DOCK7: variants seen among roughly 807,000 people sequenced by gnomAD.
The protein encoded by DOCK7 is dedicator of cytokinesis 7.
A neutral mutation model predicts 271.0 loss-of-function variants in DOCK7; 138 were observed. The ratio of observed to expected loss-of-function variants is 0.51; its 90% CI spans 0.44 to 0.59. The LOEUF (loss-of-function observed/expected upper bound fraction) is 0.59. Among genes scored for constraint, DOCK7 ranks in the 20% least tolerant of loss-of-function variants. The pLI is 0.00. For synonymous variants in DOCK7, 823 were observed against 876.1 expected (o/e 0.94, Z 1.07); for missense variants, 2,066 against 2,592.4 (o/e 0.80, Z 4.41).
At chr1:62,656,876 G>A (rs1024611035) in intron 2 of DOCK7, among the ~76,000 whole-genome samples, 4 of 152,116 alleles carry the variant, frequency 2.6e-5, no homozygotes, top group Non-Finnish European at 5.9e-5. Context: ...AAAACATTTA[G>A]ACTATAACTG....
chr1:62,542,855 G>T, intron 24 of DOCK7, 152 bp from the exon 25 acceptor site: 1 of 580,530 alleles, frequency 1.7e-6, no homozygotes, highest in Non-Finnish European at 3.0e-6. Context: ...ACCCATTAAC[G>T]AAACGGCTAT....
chr1:62,531,306 T>G (rs1645168376), intron 29 of DOCK7, among the ~76,000 whole-genome samples: 1 of 152,222 alleles, frequency 6.6e-6, no homozygotes, highest in Non-Finnish European at 1.5e-5. Flanking sequence ...TCATAAAGCC[T>G]TTTCATATGC....
intron 7 of DOCK7, among the ~76,000 whole-genome samples, chr1:62,643,047 TC>T (rs1270679661): frequency 6.6e-6 from 1 of 152,178 alleles, no homozygotes. Flanking sequence ...CTCTCCTTTT[TC>T]TGAAAACCCT....
At chr1:62,526,496 A>G (rs1029069015) in intron 31 of DOCK7, among the ~76,000 whole-genome samples, 1 of 145,580 alleles carries the variant, frequency 6.9e-6, no homozygotes, top group Non-Finnish European at 1.5e-5. Context: ...GCCACATTAG[A>G]AAAAAAAAAA....
At chr1:62,546,021 A>G (rs970515173) in intron 22 of DOCK7, among the ~76,000 whole-genome samples, 1 of 152,190 alleles carries the variant, frequency 6.6e-6, no homozygotes, top group African/African-American at 2.4e-5. Context: ...GGGTAAGAAT[A>G]GCAAAGACAA....
At position 62,648,105 on chromosome 1, in the gene DOCK7, C is replaced by A; in HGVS notation, c.732+1G>T. On this transcript the variant is annotated splice_donor_variant, in intron 6 of 49. Transcript: ENST00000635253. LOFTEE classifies it high-confidence loss of function. Reference sequence around the variant, plus strand: ...GCTTCTTTATATGCAAACATCTATACCTCATCTGGTGATGGATGCAAAGCA... The same window carrying A: ...GCTTCTTTATATGCAAACATCTATAACTCATCTGGTGATGGATGCAAAGCA... The A allele has an allele frequency of 1.2e-6, 2 of 1,611,766 alleles. No homozygotes were observed. The highest frequency in any genetic ancestry group is 1.7e-6 in the Non-Finnish European group (2 of 1,178,408).
chr1:62,550,815 G>A (rs1340314347), intron 22 of DOCK7, among the ~76,000 whole-genome samples: 3 of 151,768 alleles, frequency 2.0e-5, no homozygotes, highest in Non-Finnish European at 4.4e-5. Flanking sequence ...CCGCCTCCCA[G>A]GTTCAAGCGA....
Position 62,517,771 on chromosome 1 carries a change from G to A in DOCK7, c.3937-3873C>T, listed in dbSNP as rs573016713. ...TTCATTGCTAGAAGGAATATATATT[G>A]CTAGAACCACACTGGAAAACAATCT... is the stretch of plus-strand genomic sequence containing the variant. On this transcript the variant is annotated intron_variant, in intron 31 of 49. Coordinates refer to ENST00000635253, the MANE Select transcript of DOCK7 (RefSeq NM_001367561.1). Among the ~76,000 whole-genome samples, 10 of 152,224 alleles carry A rather than the reference G, an allele frequency of 6.6e-5. No individual in the cohort carries two copies. The East Asian group carries it at 1.9e-3, about 29-fold the overall frequency.
At chr1:62,518,417 C>CA (rs770001839) in intron 31 of DOCK7, among the ~76,000 whole-genome samples, 1 of 151,982 alleles carries the variant, frequency 6.6e-6, no homozygotes, top group Non-Finnish European at 1.5e-5. Context: ...TAAAAAAATA[C>CA]AAAAAAGTTA....
At chr1:62,604,593 C>G (rs372040017) in intron 14 of DOCK7, 1 of 1,581,058 alleles carries the variant, frequency 6.3e-7, no homozygotes, top group East Asian at 2.2e-5. Context: ...TAACTACATA[C>G]GAGTCTGTAC....
Position 62,495,686 on chromosome 1 carries a change from A to G in DOCK7, c.4924-5T>C. Reference sequence around the variant, plus strand: ...ATTGAAAACCAGATCCTGGACCTGCAGCAGAGAATTATATGAAAAACATTC... The same window carrying G: ...ATTGAAAACCAGATCCTGGACCTGCGGCAGAGAATTATATGAAAAACATTC... On this transcript the variant is annotated splice_polypyrimidine_tract_variant and splice_region_variant and intron_variant, in intron 38 of 49. Coordinates refer to ENST00000635253, the MANE Select transcript of DOCK7 (RefSeq NM_001367561.1). 1 of 1,575,742 alleles carries G rather than the reference A, an allele frequency of 6.3e-7. No individual in the cohort carries two copies. The highest frequency in any genetic ancestry group is 2.1e-5 in the Admixed American group (1 of 48,202).
chr1:62,513,187 C>A (rs1422234696), intron 33 of DOCK7, among the ~76,000 whole-genome samples: 1 of 130,126 alleles, frequency 7.7e-6, no homozygotes, highest in Admixed American at 9.5e-5. Flanking sequence ...TAAGGACTTT[C>A]TAGAGAAAGT....
intron 31 of DOCK7, among the ~76,000 whole-genome samples, chr1:62,519,481 T>G (rs1299286708): frequency 6.6e-6 from 1 of 152,146 alleles, no homozygotes; most frequent in Non-Finnish European, 1.5e-5. Flanking sequence ...ACTGAAAATT[T>G]AAGACAAAAA....
chr1:62,604,363 A>G, intron 14 of DOCK7: 1 of 1,169,960 alleles, frequency 8.5e-7, no homozygotes, highest in Non-Finnish European at 1.2e-6. Flanking sequence ...CTCTAGACGA[A>G]AACCTCTTAA....
At chr1:62,501,167 G>A (rs1391567905) in intron 37 of DOCK7, among the ~76,000 whole-genome samples, 1 of 152,154 alleles carries the variant, frequency 6.6e-6, no homozygotes, top group Admixed American at 6.5e-5. Context: ...GGGCAACAAA[G>A]TGAGTTCCTG....
intron 37 of DOCK7, among the ~76,000 whole-genome samples, chr1:62,498,772 T>C (rs1381796355): frequency 6.6e-6 from 1 of 151,986 alleles, no homozygotes; most frequent in Non-Finnish European, 1.5e-5. Flanking sequence ...AATAAACATA[T>C]ATATCACTGC....
At chr1:62,634,970 T>C in intron 8 of DOCK7, 48 bp from the exon 9 acceptor site, 1 of 1,312,510 alleles carries the variant, frequency 7.6e-7, no homozygotes, top group South Asian at 1.6e-5. Context: ...CATTTTACAG[T>C]GTCTATTTCT....
At chr1:62,468,430 A>G (rs1645742144) in intron 48 of DOCK7, among the ~76,000 whole-genome samples, 1 of 151,884 alleles carries the variant, frequency 6.6e-6, no homozygotes, top group South Asian at 2.1e-4. Flanking sequence ...AATAAAAGCC[A>G]TCTATGACAA....
intron 34 of DOCK7, among the ~76,000 whole-genome samples, chr1:62,509,251 T>C (rs528920553): frequency 6.8e-4 from 97 of 141,808 alleles, no homozygotes; most frequent in African/African-American, 2.4e-3. Flanking sequence ...AGGTCAAGGC[T>C]GCAGTGAGTC....
Sources: allele counts gnomAD v4.1 joint callset (sites outside exome capture counted in the v4.1 genomes callset), GRCh38; gene constraint gnomAD v4.1.1; transcripts MANE v1.5; gene names NCBI Gene and HGNC (gene_info 2026-07-23, HGNC 2026-07-21).